The following GPR39 variants were observed in gnomAD, a reference collection of about 807,000 sequenced individuals.
The protein encoded by GPR39 is G protein-coupled receptor 39, also known as zinc sensing receptor.
GPR39 carries 23 observed loss-of-function variants against 18.4 expected under a neutral mutation model. The observed-to-expected ratio is 1.25, with a 90% CI of 0.90 to 1.77. GPR39 has a LOEUF of 1.77. Among genes scored for constraint, GPR39 ranks in the 40% most tolerant of loss-of-function variants. The pLI is 0.00. For synonymous variants in GPR39, 280 were observed against 257.9 expected (o/e 1.09, Z -0.82); for missense variants, 647 against 602.4 (o/e 1.07, Z -0.78).
intron 1 of GPR39, among the ~76,000 whole-genome samples, chr2:132,506,856 A>G (rs1679143769): frequency 7.6e-6 from 1 of 131,214 alleles, no homozygotes; most frequent in South Asian, 3.0e-4. Flanking sequence ...CCAATGTCCT[A>G]AAGTGTTTCT....
chr2:132,547,375 C>T (rs1313088501), intron 1 of GPR39, among the ~76,000 whole-genome samples: 1 of 152,142 alleles, frequency 6.6e-6, no homozygotes, highest in Admixed American at 6.5e-5. Flanking sequence ...AGTAAGGATG[C>T]CTGGGGAGGT....
intron 1 of GPR39, among the ~76,000 whole-genome samples, chr2:132,642,573 CAA>C (rs1482934184): frequency 6.6e-6 from 1 of 152,168 alleles, no homozygotes; most frequent in African/African-American, 2.4e-5. Context: ...AACAACAGAT[CAA>C]GAGAATGAGG....
chr2:132,469,599 G>A (rs1225693368), intron 1 of GPR39, among the ~76,000 whole-genome samples: 3 of 152,140 alleles, frequency 2.0e-5, no homozygotes, highest in Admixed American at 6.5e-5. Context: ...CTGGTTATGC[G>A]GGCCAGGTGG....
chr2:132,620,602 T>C (rs2104859352), intron 1 of GPR39, among the ~76,000 whole-genome samples: 1 of 152,284 alleles, frequency 6.6e-6, no homozygotes. Flanking sequence ...TGAGGAGTCC[T>C]GTGTCTACAA....
rs2104889359 is a variant in GPR39, at chr2:132,646,120, A to C, written c.*514A>C. ...GGAGCCCTGGCCTGAGGGCCGAGGC[A>C]GAACTTCCCCTTTTCTTGGGCCTTG... On this transcript the variant is annotated 3_prime_UTR_variant, in exon 2 of 2. Coordinates refer to ENST00000329321, the MANE Select transcript of GPR39 (RefSeq NM_001508.3). 6.2e-7 allele frequency: 1 copy of C among 1,610,258 alleles called. No homozygotes were observed. The highest frequency in any genetic ancestry group is 1.3e-5 in the African/African-American group (1 of 74,938).
Position 132,437,825 on chromosome 2 carries a change from T to G in GPR39, c.856+19927T>G, listed in dbSNP as rs184501072. The stretch of plus-strand genomic sequence containing the variant: ...TAGGGGCAGGTCCCCCAGTGCTGTA[T>G]GTAGGGAGCATAGATTTTGGAGCTA... On this transcript the variant is annotated intron_variant, in intron 1 of 1. Coordinates refer to ENST00000329321, the MANE Select transcript of GPR39 (RefSeq NM_001508.3). Among the ~76,000 whole-genome samples, 79 of 152,282 alleles carry G rather than the reference T, an allele frequency of 5.2e-4. 1 individual carries two copies. The East Asian group carries it at 0.01, about 19-fold the overall frequency.
At chr2:132,509,405 C>T (rs1357330186) in intron 1 of GPR39, among the ~76,000 whole-genome samples, 2 of 151,342 alleles carry the variant, frequency 1.3e-5, no homozygotes, top group Non-Finnish European at 2.9e-5. Flanking sequence ...CATCTGAGTC[C>T]AATGCTAACC....
At position 132,645,231 on chromosome 2, in the gene GPR39, G is replaced by A. The variant is rs374846430; in HGVS notation, c.987G>A (p.Ser329=). 1.6e-4 allele frequency: 256 copies of A among 1,614,010 alleles called. No individual in the cohort carries two copies. Among genetic ancestry groups the A allele is most frequent in the Non-Finnish European group, 1.5e-4 (176 of 1,180,036 alleles). Residue 329 remains serine, a synonymous_variant, in exon 2 of 2, where the codon TCG becomes TCA. Transcript: ENST00000329321. ...CGTACATGATCCTCCTCCCCTTCTC[G>A]GAGACGTTTTTCTACCTCAGCTCGG... is the stretch of plus-strand genomic sequence containing the variant. ...FRAYMILLPF[S]ETFFYLSSVI... is the part of the protein sequence containing the mutation.
chr2:132,459,772 T>A (rs934100024), intron 1 of GPR39, among the ~76,000 whole-genome samples: 2 of 152,238 alleles, frequency 1.3e-5, no homozygotes, highest in South Asian at 4.1e-4. Context: ...ATAGACTGCT[T>A]CTGATAAAGA....
chr2:132,573,810 AGGGGAAC>A (rs1415249625), intron 1 of GPR39, among the ~76,000 whole-genome samples: 1 of 152,132 alleles, frequency 6.6e-6, no homozygotes, highest in African/African-American at 2.4e-5. Flanking sequence ...TACCTTCATC[AGGGGAAC>A]TTTTAGGGGC....
chr2:132,521,707 C>T (rs940176752), intron 1 of GPR39, among the ~76,000 whole-genome samples: 1 of 152,154 alleles, frequency 6.6e-6, no homozygotes, highest in Non-Finnish European at 1.5e-5. Flanking sequence ...TCTTTTCCCC[C>T]CCTTATTAAA....
chr2:132,540,757 G>T (rs1679847450), intron 1 of GPR39, among the ~76,000 whole-genome samples: 1 of 152,198 alleles, frequency 6.6e-6, no homozygotes, highest in African/African-American at 2.4e-5. Flanking sequence ...TCAGCTGAGA[G>T]CTGCATTTCT....
intron 1 of GPR39, among the ~76,000 whole-genome samples, chr2:132,527,514 A>G (rs1172694201): frequency 6.6e-6 from 1 of 152,272 alleles, no homozygotes; most frequent in African/African-American, 2.4e-5. Flanking sequence ...AAGAATTGCC[A>G]CACTGTCTTC....
In GPR39 at chr2:132,547,609, T is replaced by C. The variant is rs190333184; in HGVS notation, c.857-97492T>C. Among the ~76,000 whole-genome samples the C allele has an allele frequency of 1.3e-5, 2 of 152,362 alleles. 1 individual carries two copies. Among genetic ancestry groups the C allele is most frequent in the Non-Finnish European group, 2.9e-5 (2 of 68,034 alleles). On this transcript the variant is annotated intron_variant, in intron 1 of 1. Coordinates refer to ENST00000329321, the MANE Select transcript of GPR39 (RefSeq NM_001508.3). ...TAAACTAGGATTAGGAAGTCAGCTT[T>C]ATTAATAAGATAGTTCAGCTAATAG...
At chr2:132,547,773 A>G (rs114161996) in intron 1 of GPR39, among the ~76,000 whole-genome samples, 1,577 of 152,334 alleles carry the variant, frequency 0.01, 15 homozygotes, top group Non-Finnish European at 0.015. Flanking sequence ...AGAGGCTCCA[A>G]AAATATAAAT....
intron 1 of GPR39, among the ~76,000 whole-genome samples, chr2:132,640,485 T>A (rs573895118): frequency 6.6e-6 from 1 of 152,256 alleles, no homozygotes; most frequent in Non-Finnish European, 1.5e-5. Flanking sequence ...CTGTCTGGAG[T>A]ATAATACAGA....
rs562403874 is a variant in GPR39 at position 132,490,433 on chromosome 2, C to A, written c.856+72535C>A. Among the ~76,000 whole-genome samples, 4 of 151,820 alleles carry A rather than the reference C, an allele frequency of 2.6e-5. No individual in the cohort carries two copies. The South Asian group carries it at 6.2e-4, about 24-fold the overall frequency. ...TAGATTTAGACCGAGGAGGTTTATT[C>A]GATATTTAACGTATACTTAATGGTC... On this transcript the variant is annotated intron_variant, in intron 1 of 1. Coordinates refer to ENST00000329321, the MANE Select transcript of GPR39 (RefSeq NM_001508.3).
At chr2:132,629,840 C>T (rs1681616962) in intron 1 of GPR39, among the ~76,000 whole-genome samples, 1 of 152,166 alleles carries the variant, frequency 6.6e-6, no homozygotes, top group Admixed American at 6.5e-5. Context: ...GCATGGTAAA[C>T]ATGGAAACAT....
chr2:132,562,926 C>A (rs1316738765), intron 1 of GPR39, among the ~76,000 whole-genome samples: 1 of 152,012 alleles, frequency 6.6e-6, no homozygotes, highest in Non-Finnish European at 1.5e-5. Context: ...CATTTCTCAT[C>A]CTTACTCAAA....
Sources: gnomAD v4.1 joint callset for allele counts (sites outside exome capture counted in the v4.1 genomes callset) on GRCh38, gnomAD v4.1.1 for gene constraint, MANE v1.5 for transcripts, NCBI Gene and HGNC (gene_info 2026-07-23, HGNC 2026-07-21) for gene names.